The following SEMA3D variants were observed in gnomAD, a reference collection of about 807,000 sequenced individuals.
The protein encoded by SEMA3D is semaphorin 3D.
In SEMA3D, 84 loss-of-function variants were observed where a neutral mutation model predicts 100.1. The observed-to-expected ratio is 0.84, with a 90% CI of 0.70 to 1.01. SEMA3D has a LOEUF of 1.01. Among genes scored for constraint, SEMA3D ranks in the 50% least tolerant of loss-of-function variants. The pLI is 0.00. For synonymous variants in SEMA3D, 312 were observed against 320.7 expected, an observed-to-expected ratio of 0.97 and a Z score of 0.29; for missense variants, 875 against 934.1, an observed-to-expected ratio of 0.94 and a Z score of 0.82.
intron 18 of SEMA3D, among the ~76,000 whole-genome samples, chr7:85,000,174 T>C (rs2115700883): frequency 6.6e-6 from 1 of 152,212 alleles, no homozygotes; most frequent in East Asian, 1.9e-4. Context: ...TGAAAAGTAA[T>C]GAAAAACTGG....
In SEMA3D at chr7:85,009,962, A is replaced by T. The variant is rs1231990377; in HGVS notation, c.1768+2820T>A. On this transcript the variant is annotated intron_variant, in intron 17 of 18. Transcript: ENST00000284136. ...AATCAAGTAAATGAATAAAAAAGGA[A>T]TATCTGCTGCAAAACAATAAAGGAG... 3.3e-5 allele frequency among the ~76,000 whole-genome samples: 5 copies of T among 151,840 alleles called. No homozygotes were observed. In the South Asian group the frequency reaches 1.0e-3, roughly 31 times the overall value.
intron 1 of SEMA3D, among the ~76,000 whole-genome samples, chr7:85,184,851 C>CGGATT (rs1219627693): frequency 6.6e-6 from 1 of 152,164 alleles, no homozygotes; most frequent in Non-Finnish European, 1.5e-5. Flanking sequence ...ACCCCTGACC[C>CGGATT]GTCTTATCCG....
rs1322650476 is a variant in SEMA3D at position 85,022,420 on chromosome 7, C to G, written c.1385G>C (p.Gly462Ala). Residue 462 changes from glycine (G) to alanine (A), a missense_variant, in exon 13 of 19, where the codon GGC becomes GCC. By Grantham distance (60) the Gly-to-Ala change is moderately conservative. Coordinates refer to ENST00000284136, the MANE Select transcript of SEMA3D (RefSeq NM_001384900.1). ...TCCAAGAAACATTACATCGTACTGG[C>G]CATCTTCTGCAATGACATGATCCAC... is the stretch of plus-strand genomic sequence containing the variant. ...IVVDHVIAEDGQYDVMFLGTD... is the reference protein window; with the variant it reads ...IVVDHVIAEDAQYDVMFLGTD... 2 of 1,611,886 alleles carry G rather than the reference C, an allele frequency of 1.2e-6. No homozygotes were observed. The highest frequency in any genetic ancestry group is 2.7e-5 in the African/African-American group (2 of 74,766).
intron 12 of SEMA3D, among the ~76,000 whole-genome samples, chr7:85,030,167 G>A (rs1487297546): frequency 6.7e-6 from 1 of 149,704 alleles, no homozygotes; most frequent in African/African-American, 2.5e-5. Context: ...AAAATTTTCA[G>A]GAATCCTTAG....
At chr7:85,152,029 A>G (rs1790441219) in intron 2 of SEMA3D, among the ~76,000 whole-genome samples, 1 of 151,990 alleles carries the variant, frequency 6.6e-6, no homozygotes, top group Non-Finnish European at 1.5e-5. Flanking sequence ...ATAATCTTTG[A>G]TTTCATAACC....
At chr7:85,175,957 C>T (rs1791212511) in intron 1 of SEMA3D, among the ~76,000 whole-genome samples, 2 of 151,812 alleles carry the variant, frequency 1.3e-5, no homozygotes, top group Admixed American at 6.6e-5. Flanking sequence ...AACCTAAAAT[C>T]TTGTTAACAT....
intron 4 of SEMA3D, among the ~76,000 whole-genome samples, chr7:85,086,663 T>C (rs1788226199): frequency 6.6e-6 from 1 of 150,806 alleles, no homozygotes; most frequent in South Asian, 2.1e-4. Flanking sequence ...TGTGTGTGTG[T>C]ATAGATGCAT....
intron 12 of SEMA3D, among the ~76,000 whole-genome samples, chr7:85,034,984 A>G (rs1009557704): frequency 6.6e-6 from 1 of 152,076 alleles, no homozygotes; most frequent in Non-Finnish European, 1.5e-5. Context: ...ATCTAAAACA[A>G]TTGAAATTAA....
In SEMA3D at chr7:84,999,022, T is replaced by A. The variant is rs555191301; in HGVS notation, c.*418A>T. The A allele has an allele frequency of 6.0e-6, 1 of 165,834 alleles. No homozygotes were observed. Among genetic ancestry groups the A allele is most frequent in the South Asian group, 1.6e-4 (1 of 6,402 alleles). The allele number at this position is 165,834 out of a possible 1,614,324, so 10.3% of individuals were successfully genotyped here. ...CTACCACAAGGTAGCTGGTTCTCAA[T>A]AGGAATGATATATCTGTTCATAAGA... On this transcript the variant is annotated 3_prime_UTR_variant, in exon 19 of 19. Transcript: ENST00000284136.
At chr7:85,059,017 T>C (rs1350707869) in intron 8 of SEMA3D, among the ~76,000 whole-genome samples, 1 of 152,206 alleles carries the variant, frequency 6.6e-6, no homozygotes, top group African/African-American at 2.4e-5. Flanking sequence ...TGCATAGCCA[T>C]GATTTTTCCA....
chr7:85,189,156 T>C (rs1231119746), upstream of SEMA3D, among the ~76,000 whole-genome samples: 1 of 152,192 alleles, frequency 6.6e-6, no homozygotes, highest in Non-Finnish European at 1.5e-5. Context: ...ACTGTTAATA[T>C]GTTGCCCAAT....
chr7:85,249,204 G>T, the SEMA3D span, among the ~76,000 whole-genome samples: 2 of 152,088 alleles, frequency 1.3e-5, no homozygotes, highest in Non-Finnish European at 2.9e-5. Flanking sequence ...GATGAGATGA[G>T]AATGTCACTT....
At chr7:85,034,646 A>G (rs569893528) in intron 12 of SEMA3D, among the ~76,000 whole-genome samples, 2 of 152,136 alleles carry the variant, frequency 1.3e-5, no homozygotes, top group East Asian at 3.9e-4. Flanking sequence ...AAATTAAAAA[A>G]TGGGCTAAGT....
intron 1 of SEMA3D, among the ~76,000 whole-genome samples, chr7:85,168,833 GA>G (rs1259800271): frequency 2.0e-5 from 1 of 51,074 alleles, no homozygotes; most frequent in African/African-American, 1.0e-4. Context: ...AAGAAAGAAA[GA>G]AAGAAAGAAA....
chr7:85,180,658 T>C (rs1791376280), intron 1 of SEMA3D, among the ~76,000 whole-genome samples: 1 of 152,188 alleles, frequency 6.6e-6, no homozygotes, highest in Admixed American at 6.5e-5. Context: ...GTATGGACAT[T>C]TTTTACAATT....
In SEMA3D at chr7:85,052,531, G is replaced by C. The variant is rs188752985; in HGVS notation, c.861+3186C>G. 4.1e-3 allele frequency among the ~76,000 whole-genome samples: 627 copies of C among 151,918 alleles called. 5 individuals carry two copies. Among genetic ancestry groups the C allele is most frequent in the African/African-American group, 0.015 (603 of 41,484 alleles). On this transcript the variant is annotated intron_variant, in intron 9 of 18. Coordinates refer to ENST00000284136, the MANE Select transcript of SEMA3D (RefSeq NM_001384900.1). The stretch of plus-strand genomic sequence containing the variant: ...ACAAACAAAAAACAACTGTCACAAC[G>C]CTGCCTGAAATGCCTGGCCTCCATT...
intron 3 of SEMA3D, among the ~76,000 whole-genome samples, chr7:85,118,765 T>C (rs917394959): frequency 1.3e-5 from 2 of 152,188 alleles, no homozygotes; most frequent in African/African-American, 4.8e-5. Flanking sequence ...GTTGACAGTT[T>C]CTTTTGCTGT....
intron 5 of SEMA3D, among the ~76,000 whole-genome samples, chr7:85,079,386 T>C (rs1411542188): frequency 6.6e-6 from 1 of 152,106 alleles, no homozygotes; most frequent in African/African-American, 2.4e-5. Flanking sequence ...AACTACAGAC[T>C]TCAGCAAAAA....
At position 85,121,823 on chromosome 7, in the gene SEMA3D, C is replaced by CA. The variant is rs764120870; in HGVS notation, c.68dup (p.Met23IlefsTer35). 6.2e-7 allele frequency: 1 copy of CA among 1,608,070 alleles called. No individual in the cohort carries two copies. The highest frequency in any genetic ancestry group is 1.3e-5 in the African/African-American group (1 of 74,690). On this transcript the variant is annotated frameshift_variant, in exon 3 of 19. Transcript: ENST00000284136. LOFTEE classifies it high-confidence loss of function. The stretch of plus-strand genomic sequence containing the variant: ...GAAACAACATGGTCATGCTTAGCAT[C>CA]ATCAAAGCAGGAAAAAGGTGAAAAT...
Sources: gnomAD v4.1 joint callset for allele counts (sites outside exome capture counted in the v4.1 genomes callset) on GRCh38, gnomAD v4.1.1 for gene constraint, MANE v1.5 for transcripts, NCBI Gene and HGNC (gene_info 2026-07-23, HGNC 2026-07-21) for gene names.